SMYD3: variants seen among roughly 807,000 people sequenced by gnomAD.
SMYD3 encodes histone-lysine N-methyltransferase SMYD3.
In SMYD3, 36 loss-of-function variants were observed where a neutral mutation model predicts 57.7. The observed-to-expected ratio is 0.62, with a 90% CI of 0.48 to 0.82. SMYD3 has a LOEUF of 0.82. Ranked by LOEUF, SMYD3 falls within the 40% of genes least tolerant of loss-of-function variation. The probability of loss-of-function intolerance (pLI) is 0.00; values close to 1 mark genes in which losing one functional copy is unlikely to be tolerated. For synonymous variants in SMYD3, 211 were observed against 195.0 expected (o/e 1.08, Z -0.68); for missense variants, 515 against 538.8 (o/e 0.96, Z 0.44).
chr1:245,826,010 T>TG (rs79011524), intron 10 of SMYD3, among the ~76,000 whole-genome samples: 49,849 of 68,536 alleles, frequency 0.73, 20,066 homozygotes, highest in Non-Finnish European at 0.91. Flanking sequence ...GTACCTAGCA[T>TG]CTGCTTTCTA....
At chr1:246,393,557 A>G (rs1485770431) in intron 1 of SMYD3, among the ~76,000 whole-genome samples, 1 of 151,944 alleles carries the variant, frequency 6.6e-6, no homozygotes, top group African/African-American at 2.4e-5. Flanking sequence ...GGCTAGGCAT[A>G]GAATTGCCTA....
Position 246,206,354 on chromosome 1 carries a change from CTGGGCTATCTCTTA to C in SMYD3, c.531+120833_531+120846del, listed in dbSNP as rs1270398794. ...TTCTGAAAAGAATGTAAGAGGAGTT[CTGGGCTATCTCTTA>C]AGTAAAAGCAACAGGAATCCCATGG... On this transcript the variant is annotated intron_variant, in intron 5 of 11. Transcript: ENST00000490107. Among the ~76,000 whole-genome samples the C allele has an allele frequency of 2.6e-5, 4 of 152,054 alleles. No individual in the cohort carries two copies. The East Asian group carries it at 7.7e-4, about 29-fold the overall frequency.
chr1:245,795,439 C>G (rs561638060), intron 10 of SMYD3, among the ~76,000 whole-genome samples: 92 of 152,346 alleles, frequency 6.0e-4, no homozygotes, highest in African/African-American at 2.1e-3. Flanking sequence ...CTGTTACATT[C>G]CAGGAGCCAA....
At chr1:246,277,479 A>AC (rs1558371260) in intron 5 of SMYD3, among the ~76,000 whole-genome samples, 3 of 152,122 alleles carry the variant, frequency 2.0e-5, no homozygotes, top group East Asian at 1.9e-4. Context: ...ACCACCACCA[A>AC]CAACAACAAC....
chr1:245,810,381 G>A (rs941779208), intron 10 of SMYD3, among the ~76,000 whole-genome samples: 2 of 152,312 alleles, frequency 1.3e-5, no homozygotes, highest in African/African-American at 4.8e-5. Flanking sequence ...CTGAGGCAGG[G>A]CACCTGTTTC....
At chr1:245,810,907 A>G (rs1268788505) in intron 10 of SMYD3, among the ~76,000 whole-genome samples, 1 of 152,246 alleles carries the variant, frequency 6.6e-6, no homozygotes, top group Non-Finnish European at 1.5e-5. Flanking sequence ...GAAAACATAA[A>G]TAACTAGGCA....
intron 5 of SMYD3, among the ~76,000 whole-genome samples, chr1:246,135,141 T>C (rs563371569): frequency 6.6e-6 from 1 of 152,084 alleles, no homozygotes; most frequent in Non-Finnish European, 1.5e-5. Context: ...TCTGTTACAA[T>C]ATGCTGAAGA....
intron 8 of SMYD3, among the ~76,000 whole-genome samples, chr1:245,894,995 G>A (rs1233295150): frequency 6.6e-6 from 1 of 152,220 alleles, no homozygotes; most frequent in Non-Finnish European, 1.5e-5. Context: ...GAGAAGAAGT[G>A]CCACATCCTG....
At chr1:245,863,551 A>G (rs773168461) in intron 9 of SMYD3, among the ~76,000 whole-genome samples, 12 of 152,196 alleles carry the variant, frequency 7.9e-5, no homozygotes, top group Admixed American at 5.2e-4. Flanking sequence ...TACTACTGCT[A>G]GGCCATGAGT....
intron 8 of SMYD3, among the ~76,000 whole-genome samples, chr1:245,867,332 G>C (rs1310206068): frequency 6.6e-6 from 1 of 152,158 alleles, no homozygotes; most frequent in Non-Finnish European, 1.5e-5. Context: ...CAGGCTTCTG[G>C]CCTACAGAAC....
chr1:246,461,461 A>T (rs1253028114), intron 1 of SMYD3, among the ~76,000 whole-genome samples: 1 of 152,218 alleles, frequency 6.6e-6, no homozygotes, highest in African/African-American at 2.4e-5. Flanking sequence ...AAAAATAATC[A>T]CATCATAAAC....
At chr1:246,429,457 T>C (rs1312187788) in intron 1 of SMYD3, among the ~76,000 whole-genome samples, 1 of 152,176 alleles carries the variant, frequency 6.6e-6, no homozygotes, top group East Asian at 1.9e-4. Flanking sequence ...GTCAAAAATG[T>C]AGGAGGAAAC....
chr1:246,308,195 T>C (rs1158298283), intron 5 of SMYD3, among the ~76,000 whole-genome samples: 1 of 152,216 alleles, frequency 6.6e-6, no homozygotes, highest in Non-Finnish European at 1.5e-5. Context: ...TATTTATTTA[T>C]ATATTTCTTT....
At chr1:246,162,730 G>A (rs564174936) in intron 5 of SMYD3, among the ~76,000 whole-genome samples, 35 of 152,276 alleles carry the variant, frequency 2.3e-4, no homozygotes, top group Middle Eastern at 6.8e-3. Flanking sequence ...TTACTCAGAG[G>A]TACAGAGACT....
At chr1:245,769,111 A>G (rs537004760) in intron 10 of SMYD3, among the ~76,000 whole-genome samples, 1 of 152,360 alleles carries the variant, frequency 6.6e-6, no homozygotes, top group South Asian at 2.1e-4. Flanking sequence ...TGACAGAATT[A>G]GAAAAATCAT....
chr1:246,044,501 G>A (rs781534758), intron 5 of SMYD3, among the ~76,000 whole-genome samples: 16 of 152,126 alleles, frequency 1.1e-4, no homozygotes, highest in Non-Finnish European at 1.6e-4. Context: ...TTGTAGGTAC[G>A]TAAAACCAGA....
At chr1:245,962,624 C>T (rs574699540) in intron 5 of SMYD3, among the ~76,000 whole-genome samples, 34 of 152,180 alleles carry the variant, frequency 2.2e-4, no homozygotes, top group Non-Finnish European at 4.6e-4. Flanking sequence ...GATGGAGAAA[C>T]AAACCTGCAT....
chr1:245,912,284 C>G (rs1370769093), intron 8 of SMYD3, among the ~76,000 whole-genome samples: 2 of 151,858 alleles, frequency 1.3e-5, no homozygotes, highest in Non-Finnish European at 2.9e-5. Flanking sequence ...AAAAAAGACA[C>G]CTAGGAGTAA....
intron 5 of SMYD3, among the ~76,000 whole-genome samples, chr1:246,016,562 G>A (rs963723621): frequency 2.0e-5 from 3 of 151,896 alleles, no homozygotes; most frequent in Non-Finnish European, 2.9e-5. Context: ...CAGCCTGGGT[G>A]ACAATAGCAA....
Sources: gnomAD v4.1 joint callset for allele counts (sites outside exome capture counted in the v4.1 genomes callset) on GRCh38, gnomAD v4.1.1 for gene constraint, MANE v1.5 for transcripts, NCBI Gene and HGNC (gene_info 2026-07-23, HGNC 2026-07-21) for gene names.